CNTN1: variants seen among roughly 807,000 people sequenced by gnomAD.
CNTN1 encodes the protein contactin 1, also known as contactin-1.
CNTN1 carries 38 observed loss-of-function variants against 126.4 expected under a neutral mutation model. The observed-to-expected ratio is 0.30, with a 90% CI of 0.23 to 0.39. The LOEUF is 0.39. CNTN1 is among the 10% of genes least tolerant of loss of function. The probability of loss-of-function intolerance (pLI) is 1.00; values close to 1 mark genes in which losing one functional copy is unlikely to be tolerated. For missense variants in CNTN1, 1,009 were observed against 1,248.4 expected (o/e 0.81, Z 2.89); for synonymous variants, 413 against 422.6 (o/e 0.98, Z 0.28).
At chr12:40,729,314 T>A (rs1012656027) in intron 1 of CNTN1, 1 of 153,534 alleles carries the variant, frequency 6.5e-6, no homozygotes, top group Non-Finnish European at 1.5e-5. Context: ...ACACTTAGAA[T>A]GCATTGCAAG....
chr12:40,951,083 T>C (rs1946658662), intron 14 of CNTN1, among the ~76,000 whole-genome samples: 1 of 152,160 alleles, frequency 6.6e-6, no homozygotes, highest in East Asian at 1.9e-4. Flanking sequence ...AATTAAATGA[T>C]ATATGAGTTG....
chr12:41,025,460 G>A (rs1164941555), intron 21 of CNTN1, 124 bp downstream of exon 21: 1 of 893,314 alleles, frequency 1.1e-6, no homozygotes, highest in South Asian at 1.4e-5. Flanking sequence ...ATCCTTTACA[G>A]CCACACAAGA....
At chr12:40,980,324 G>C (rs11615728) in intron 15 of CNTN1, among the ~76,000 whole-genome samples, 7,522 of 151,914 alleles carry the variant, frequency 0.05, 272 homozygotes, top group Non-Finnish European at 0.075. Flanking sequence ...AGTGCTTGTA[G>C]TCCCAGCTAC....
chr12:40,815,725 A>G (rs1004529196), intron 1 of CNTN1, among the ~76,000 whole-genome samples: 7 of 152,040 alleles, frequency 4.6e-5, no homozygotes, highest in African/African-American at 1.7e-4. Flanking sequence ...CTTGTCTTGT[A>G]CCAGTTTTCA....
intron 1 of CNTN1, among the ~76,000 whole-genome samples, chr12:40,811,016 C>T (rs1021737467): frequency 6.6e-6 from 1 of 152,082 alleles, no homozygotes; most frequent in Non-Finnish European, 1.5e-5. Context: ...AAATAAATAA[C>T]AAATAAAAAT....
At position 40,960,133 on chromosome 12, in the gene CNTN1, G is replaced by T. The variant is rs545034306; in HGVS notation, c.1804+899G>T. Among the ~76,000 whole-genome samples the T allele has an allele frequency of 1.3e-5, 2 of 151,962 alleles. 1 individual carries two copies. The highest frequency in any genetic ancestry group is 4.1e-4 in the South Asian group (2 of 4,826). On this transcript the variant is annotated intron_variant, in intron 15 of 23. Coordinates refer to ENST00000551295, the MANE Select transcript of CNTN1 (RefSeq NM_001843.4). The stretch of plus-strand genomic sequence containing the variant: ...TCCCCAATATGAGCTCCGATCTTCT[G>T]AATTTTCATAACATATATTGCTTTC...
chr12:40,962,693 C>G (rs1947147711), intron 15 of CNTN1, among the ~76,000 whole-genome samples: 1 of 152,062 alleles, frequency 6.6e-6, no homozygotes, highest in Non-Finnish European at 1.5e-5. Flanking sequence ...TTATAGAAAG[C>G]TATAGCACTT....
At chr12:40,711,475 C>T (rs996112797) in intron 1 of CNTN1, among the ~76,000 whole-genome samples, 1 of 152,064 alleles carries the variant, frequency 6.6e-6, no homozygotes, top group African/African-American at 2.4e-5. Context: ...TCACTTCTTC[C>T]TTGTATCCTA....
chr12:40,960,146 A>G (rs1009796031), intron 15 of CNTN1, among the ~76,000 whole-genome samples: 3 of 151,990 alleles, frequency 2.0e-5, no homozygotes, highest in African/African-American at 7.2e-5. Context: ...TTTTCATAAC[A>G]TATATTGCTT....
intron 23 of CNTN1, among the ~76,000 whole-genome samples, chr12:41,058,827 T>C (rs1949882055): frequency 6.6e-6 from 1 of 152,176 alleles, no homozygotes. Context: ...GACTAGTCAA[T>C]GTCCAATTCT....
intron 1 of CNTN1, among the ~76,000 whole-genome samples, chr12:40,721,819 G>C (rs958688882): frequency 2.0e-5 from 3 of 149,502 alleles, no homozygotes; most frequent in Non-Finnish European, 3.0e-5. Flanking sequence ...TTTTGTCCTT[G>C]CGATAGTTTA....
At position 41,051,576 on chromosome 12, in the gene CNTN1, CTATTA is replaced by C. The variant is rs528754680; in HGVS notation, c.2981-18376_2981-18372del. On this transcript the variant is annotated intron_variant, in intron 23 of 23. Coordinates refer to ENST00000551295, the MANE Select transcript of CNTN1 (RefSeq NM_001843.4). Reference sequence around the variant, plus strand: ...AACCAAAAAAAATACACAAAATCTACTATTATATTATTCTACAATTGTTGAGGATA... The same window carrying C: ...AACCAAAAAAAATACACAAAATCTACTATTATTCTACAATTGTTGAGGATA... Among the ~76,000 whole-genome samples the C allele has an allele frequency of 5.9e-5, 9 of 151,960 alleles. No individual in the cohort carries two copies. In the South Asian group the frequency reaches 1.5e-3, roughly 25 times the overall value.
At chr12:40,781,688 C>T (rs1365725802) in intron 1 of CNTN1, among the ~76,000 whole-genome samples, 1 of 151,912 alleles carries the variant, frequency 6.6e-6, no homozygotes, top group Non-Finnish European at 1.5e-5. Context: ...AGAACTGGAA[C>T]ATAAAAACCC....
chr12:41,002,834 G>A lies in CNTN1; in HGVS notation c.2113+9565G>A, dbSNP rs1592386040. Among the ~76,000 whole-genome samples the A allele has an allele frequency of 3.3e-5, 5 of 152,274 alleles. No homozygotes were observed. The South Asian group carries it at 8.3e-4, about 25-fold the overall frequency. Reference sequence around the variant, plus strand: ...GGCCTCCCAAAGTGCTGGGATTACAGGCATGAGCTGCTGCACCTGGCTATG... The same window carrying A: ...GGCCTCCCAAAGTGCTGGGATTACAAGCATGAGCTGCTGCACCTGGCTATG... On this transcript the variant is annotated intron_variant, in intron 17 of 23. Coordinates refer to ENST00000551295, the MANE Select transcript of CNTN1 (RefSeq NM_001843.4).
intron 10 of CNTN1, 55 bp from the exon 11 acceptor site, chr12:40,937,515 G>A: frequency 8.6e-7 from 1 of 1,161,762 alleles, no homozygotes; most frequent in Non-Finnish European, 1.3e-6. Flanking sequence ...AGACCTAAGT[G>A]AAAGTATTTC....
chr12:40,916,957 A>T (rs1945267082), intron 3 of CNTN1, among the ~76,000 whole-genome samples: 1 of 146,710 alleles, frequency 6.8e-6, no homozygotes, highest in African/African-American at 2.5e-5. Flanking sequence ...ACTATTGAAT[A>T]AAAGTTTCAG....
chr12:40,960,514 C>A (rs1416665953), intron 15 of CNTN1, among the ~76,000 whole-genome samples: 2 of 151,926 alleles, frequency 1.3e-5, no homozygotes, highest in Non-Finnish European at 2.9e-5. Context: ...ATATGGGGTC[C>A]CTAAGCAACA....
At chr12:40,840,897 C>T (rs184629129) in intron 1 of CNTN1, among the ~76,000 whole-genome samples, 183 of 150,430 alleles carry the variant, frequency 1.2e-3, no homozygotes, top group Non-Finnish European at 2.2e-3. Flanking sequence ...TCTAAAGGAA[C>T]TAGAAAAACA....
intron 1 of CNTN1, among the ~76,000 whole-genome samples, chr12:40,873,053 C>T (rs1212771996): frequency 6.6e-6 from 1 of 152,084 alleles, no homozygotes; most frequent in Admixed American, 6.6e-5. Flanking sequence ...CCCCATGCTG[C>T]TGTCTACTCT....
Sources: gnomAD v4.1 joint callset for allele counts (sites outside exome capture counted in the v4.1 genomes callset) on GRCh38, gnomAD v4.1.1 for gene constraint, MANE v1.5 for transcripts, NCBI Gene and HGNC (gene_info 2026-07-23, HGNC 2026-07-21) for gene names.